The following MECOM variants were observed in gnomAD, a reference collection of about 807,000 sequenced individuals.
The protein encoded by MECOM is MDS1 and EVI1 complex locus, also known as histone-lysine N-methyltransferase MECOM.
Under a neutral mutation model 116.3 loss-of-function variants are expected in MECOM, and 13 were observed. That is an observed-to-expected ratio of 0.11 (90% confidence interval 0.07 to 0.18). The LOEUF (loss-of-function observed/expected upper bound fraction) is 0.18, where lower values mean the gene tolerates loss of function less well. Among genes scored for constraint, MECOM ranks in the 10% least tolerant of loss-of-function variants. The pLI is 1.00. For missense variants in MECOM, 1,299 were observed against 1,509.0 expected (o/e 0.86, Z 2.31); for synonymous variants, 528 against 535.2 (o/e 0.99, Z 0.19).
intron 2 of MECOM, among the ~76,000 whole-genome samples, chr3:169,354,532 G>C (rs1358691553): frequency 6.6e-6 from 1 of 151,770 alleles, no homozygotes; most frequent in Non-Finnish European, 1.5e-5. Context: ...TTTAAGTTTA[G>C]TTTGGTCGTA....
At chr3:169,567,024 C>T (rs917994774) in intron 1 of MECOM, among the ~76,000 whole-genome samples, 1 of 152,250 alleles carries the variant, frequency 6.6e-6, no homozygotes, top group Admixed American at 6.5e-5. Context: ...ATGGGCTTCT[C>T]ATCTTCTAGT....
At chr3:169,589,020 T>C (rs1056955067) in intron 1 of MECOM, among the ~76,000 whole-genome samples, 1 of 152,060 alleles carries the variant, frequency 6.6e-6, no homozygotes, top group African/African-American at 2.4e-5. Flanking sequence ...AGTATGACTA[T>C]TCCATATCTA....
intron 2 of MECOM, among the ~76,000 whole-genome samples, chr3:169,219,048 A>G (rs1751766371): frequency 6.6e-6 from 1 of 152,106 alleles, no homozygotes; most frequent in African/African-American, 2.4e-5. Flanking sequence ...GCTTTTTGCA[A>G]CAACTATAAA....
chr3:169,352,534 G>C (rs1726505281), intron 2 of MECOM, among the ~76,000 whole-genome samples: 1 of 151,762 alleles, frequency 6.6e-6, no homozygotes, highest in African/African-American at 2.4e-5. Flanking sequence ...GAAACTTGTT[G>C]GGGGGAAAAG....
intron 2 of MECOM, chr3:169,146,952 C>T: frequency 2.0e-6 from 2 of 1,005,770 alleles, no homozygotes; most frequent in Non-Finnish European, 2.4e-6. Flanking sequence ...AGGATCTGCT[C>T]TCCAGGACCA....
At chr3:169,265,809 T>C (rs1758208708) in intron 2 of MECOM, among the ~76,000 whole-genome samples, 2 of 152,226 alleles carry the variant, frequency 1.3e-5, no homozygotes, top group South Asian at 4.1e-4. Context: ...TATAATCCTT[T>C]CCCTTCGCTA....
At chr3:169,263,129 G>T (rs1449497547) in intron 2 of MECOM, among the ~76,000 whole-genome samples, 2,415 of 25,744 alleles carry the variant, frequency 0.094, 117 homozygotes, top group African/African-American at 0.18. Context: ...ATATATATAT[G>T]TTTTTTTTTT....
chr3:169,217,258 C>T (rs960206978), intron 2 of MECOM, among the ~76,000 whole-genome samples: 1 of 151,520 alleles, frequency 6.6e-6, no homozygotes, highest in Admixed American at 6.6e-5. Context: ...TAGCTAGACT[C>T]TTGGAGTCTT....
intron 1 of MECOM, among the ~76,000 whole-genome samples, chr3:169,408,680 A>G (rs1737094539): frequency 6.6e-6 from 1 of 152,208 alleles, no homozygotes; most frequent in Non-Finnish European, 1.5e-5. Context: ...CATGAAGACT[A>G]CAGAAATAGT....
At chr3:169,416,309 T>C (rs950955246) in intron 1 of MECOM, among the ~76,000 whole-genome samples, 15 of 151,904 alleles carry the variant, frequency 9.9e-5, no homozygotes, top group African/African-American at 3.1e-4. Flanking sequence ...CAGAAATAAA[T>C]AAGTTCTCTG....
intron 2 of MECOM, among the ~76,000 whole-genome samples, chr3:169,225,655 G>T (rs1158007729): frequency 6.6e-6 from 1 of 152,200 alleles, no homozygotes; most frequent in African/African-American, 2.4e-5. Context: ...TGTCGTCCAG[G>T]CTGGAGTGCA....
chr3:169,488,833 A>G (rs926311472), intron 1 of MECOM, among the ~76,000 whole-genome samples: 1 of 152,114 alleles, frequency 6.6e-6, no homozygotes, highest in African/African-American at 2.4e-5. Flanking sequence ...GAGAAAATGT[A>G]TAGACTTAAA....
At chr3:169,397,979 T>C (rs1735276491) in intron 1 of MECOM, among the ~76,000 whole-genome samples, 1 of 152,162 alleles carries the variant, frequency 6.6e-6, no homozygotes, top group South Asian at 2.1e-4. Context: ...GATTTTGGAG[T>C]GGCTGTGTAA....
chr3:169,613,217 T>C (rs1769494962), intron 1 of MECOM, among the ~76,000 whole-genome samples: 3 of 152,214 alleles, frequency 2.0e-5, no homozygotes, highest in African/African-American at 7.2e-5. Flanking sequence ...TGCTCTCATT[T>C]ATATCGAAGA....
chr3:169,118,821 T>C (rs1225131901), intron 7 of MECOM, among the ~76,000 whole-genome samples: 1 of 152,134 alleles, frequency 6.6e-6, no homozygotes, highest in Non-Finnish European at 1.5e-5. Flanking sequence ...GTGCTGTCTG[T>C]GTCTGGGCTC....
chr3:169,522,720 G>T (rs1757497311), intron 1 of MECOM, among the ~76,000 whole-genome samples: 1 of 152,180 alleles, frequency 6.6e-6, no homozygotes, highest in Admixed American at 6.5e-5. Flanking sequence ...AGACATGGAT[G>T]GTGTGTGTAA....
intron 3 of MECOM, chr3:169,133,921 T>G: frequency 7.8e-7 from 1 of 1,289,538 alleles, no homozygotes; most frequent in Non-Finnish European, 1.0e-6. Context: ...CCTCTTTTTT[T>G]GGCATCTCTC....
intron 2 of MECOM, among the ~76,000 whole-genome samples, chr3:169,254,601 A>T (rs1004022350): frequency 1.3e-5 from 2 of 152,140 alleles, no homozygotes; most frequent in African/African-American, 2.4e-5. Flanking sequence ...ATGCACGTTG[A>T]ATTATAATTT....
At chr3:169,404,166 T>C (rs1481463033) in intron 1 of MECOM, among the ~76,000 whole-genome samples, 1 of 152,160 alleles carries the variant, frequency 6.6e-6, no homozygotes, top group African/African-American at 2.4e-5. Context: ...TTTTAAAATT[T>C]TTTTAAATAG....
Sources: allele counts gnomAD v4.1 joint callset (sites outside exome capture counted in the v4.1 genomes callset), GRCh38; gene constraint gnomAD v4.1.1; transcripts MANE v1.5; gene names NCBI Gene and HGNC (gene_info 2026-07-23, HGNC 2026-07-21).